The following CFAP74 variants were observed in gnomAD, a reference collection of about 807,000 sequenced individuals.
The protein encoded by CFAP74 is cilia and flagella associated protein 74.
CFAP74 carries 124 observed loss-of-function variants against 188.9 expected under a neutral mutation model. The ratio of observed to expected loss-of-function variants is 0.66; its 90% CI spans 0.57 to 0.76. The LOEUF (loss-of-function observed/expected upper bound fraction) is 0.76. Among genes scored for constraint, CFAP74 ranks in the 30% least tolerant of loss-of-function variants. The pLI is 0.00. For missense variants in CFAP74, 2,198 were observed against 2,165.2 expected (o/e 1.02, Z -0.30); for synonymous variants, 956 against 916.7 (o/e 1.04, Z -0.77).
Position 1,987,633 on chromosome 1 carries a change from C to G in CFAP74, c.297-598G>C, listed in dbSNP as rs181025217. Among the ~76,000 whole-genome samples, 54 of 152,278 alleles carry G rather than the reference C, an allele frequency of 3.5e-4. 1 individual carries two copies. Among genetic ancestry groups the G allele is most frequent in the Admixed American group, 3.2e-3 (49 of 15,302 alleles). On this transcript the variant is annotated intron_variant, in intron 4 of 38. Coordinates refer to ENST00000682832, the MANE Select transcript of CFAP74 (RefSeq NM_001304360.2). The stretch of plus-strand genomic sequence containing the variant: ...CTCGGCTCACTGCAACCTCCGCCCC[C>G]CAGGTTCAAGCGATTCTGCTGTCTC...
At chr1:1,946,837 C>T (rs569192938) in intron 19 of CFAP74, among the ~76,000 whole-genome samples, 153 bp downstream of exon 19, 1 of 152,354 alleles carries the variant, frequency 6.6e-6, no homozygotes, top group African/African-American at 2.4e-5. Flanking sequence ...CTGGAGGCTG[C>T]AAGTCCCTGG....
intron 23 of CFAP74, among the ~76,000 whole-genome samples, chr1:1,939,981 T>C (rs1256988464): frequency 1.3e-5 from 2 of 152,196 alleles, no homozygotes; most frequent in Admixed American, 6.5e-5. Context: ...GAGAGCCTGC[T>C]GCAGGTGGAG....
In CFAP74 at chr1:1,923,432, T is replaced by C; in HGVS notation, c.4457A>G (p.Asp1486Gly). ...CQHMMFVEGG[D>G]PLDVPVESLT... is the part of the protein sequence containing the mutation. ...AGACTCCACGGGCACGTCCAGGGGGTCGCCGCCCTCCACGAACATCATGTG... is the reference window on the plus strand; with the variant it reads ...AGACTCCACGGGCACGTCCAGGGGGCCGCCGCCCTCCACGAACATCATGTG... The change falls in exon 36 of 39, where the codon GAC becomes GGC. Residue 1486 changes from aspartate to glycine, a missense_variant. Asp to Gly is a moderately conservative substitution (Grantham distance 94). Coordinates refer to ENST00000682832, the MANE Select transcript of CFAP74 (RefSeq NM_001304360.2). The surrounding 1 kb of genome is among the most constrained non-coding windows in gnomAD (Gnocchi z 6.3). 1.2e-6 allele frequency: 2 copies of C among 1,603,772 alleles called. No individual in the cohort carries two copies. Among genetic ancestry groups the C allele is most frequent in the Non-Finnish European group, 1.7e-6 (2 of 1,176,568 alleles).
intron 15 of CFAP74, 63 bp from the exon 16 acceptor site, chr1:1,959,272 T>G: frequency 2.5e-6 from 3 of 1,217,680 alleles, no homozygotes; most frequent in Non-Finnish European, 3.6e-6. Context: ...TTTGTTTTTT[T>G]TTTGGACAGG....
At chr1:1,951,315 T>C (rs1302207293) in intron 18 of CFAP74, among the ~76,000 whole-genome samples, 1 of 152,222 alleles carries the variant, frequency 6.6e-6, no homozygotes, top group African/African-American at 2.4e-5. Context: ...ACGTGGGGAT[T>C]ACAATTTGAG....
chr1:1,932,300 G>A (rs1652474273), intron 25 of CFAP74, among the ~76,000 whole-genome samples: 1 of 151,184 alleles, frequency 6.6e-6, no homozygotes, highest in Admixed American at 6.6e-5. Context: ...GGGAGGCTGA[G>A]GCAGGAGAAT....
At position 1,964,978 on chromosome 1, in the gene CFAP74, C is replaced by T. The variant is rs1413247759; in HGVS notation, c.1485G>A (p.Leu495=). The T allele has an allele frequency of 1.2e-6, 2 of 1,613,856 alleles. No individual in the cohort carries two copies. The highest frequency in any genetic ancestry group is 1.7e-6 in the Non-Finnish European group (2 of 1,179,942). The change falls in exon 13 of 39, where the codon CTG becomes CTA. Residue 495 remains leucine, a synonymous_variant. Transcript: ENST00000682832. ...CCTGCTTGTGGACCACCCTGCTCCG[C>T]AGCCGCTCCACCGTGCGCTCCAGGA... ...KDILERTVER[L]RSRVVHKQVV... is the part of the protein sequence containing the mutation.
chr1:1,992,034 C>T lies in CFAP74; in HGVS notation c.-19-1059G>A, dbSNP rs1165386010. 1.3e-4 allele frequency among the ~76,000 whole-genome samples: 17 copies of T among 128,610 alleles called. No homozygotes were observed. In the East Asian group the frequency reaches 3.3e-3, roughly 25 times the overall value. The allele number at this position is 128,610 out of a possible 152,430, so 84.4% of individuals were successfully genotyped here. A position where few individuals can be genotyped will look rare whatever the true frequency, so the allele number is the denominator to read the frequency against. The stretch of plus-strand genomic sequence containing the variant: ...CAGCCTGGGTGACAGAGCGAGACTC[C>T]GTCTCAAAAAAAAAAAAATGCCTGA... On this transcript the variant is annotated intron_variant, in intron 1 of 38. Transcript: ENST00000682832.
In CFAP74 at chr1:1,923,223, C is replaced by T; in HGVS notation, c.4523-78G>A. 6.6e-7 allele frequency: 1 copy of T among 1,511,576 alleles called. No homozygotes were observed. The highest frequency in any genetic ancestry group is 8.9e-7 in the Non-Finnish European group (1 of 1,124,258). The allele number at this position is 1,511,576 out of a possible 1,614,324, so 93.6% of individuals were successfully genotyped here. A position where few individuals can be genotyped will look rare whatever the true frequency, so the allele number is the denominator to read the frequency against. On this transcript the variant is annotated intron_variant, in intron 36 of 38. Coordinates refer to ENST00000682832, the MANE Select transcript of CFAP74 (RefSeq NM_001304360.2). This position sits in a 1 kb window ranked among gnomAD's most constrained non-coding sequence, Gnocchi z 6.3. ...GAGGCTGCAGCTGGACTCCTGAACT[C>T]TGGTTAGCAGTGGCTGTCCTGCTTG...
intron 6 of CFAP74, among the ~76,000 whole-genome samples, chr1:1,980,531 C>T (rs568572021): frequency 2.6e-5 from 4 of 151,712 alleles, no homozygotes; most frequent in African/African-American, 7.3e-5. Flanking sequence ...ATGGGACCTG[C>T]GCAGGCGCTG....
chr1:1,955,380 C>T, intron 18 of CFAP74: 1 of 1,374,348 alleles, frequency 7.3e-7, no homozygotes. Context: ...GCAGCCCGGC[C>T]CCTCCAGGGG....
At chr1:1,938,439 G>A (rs1183561662) in intron 25 of CFAP74, among the ~76,000 whole-genome samples, 1 of 150,088 alleles carries the variant, frequency 6.7e-6, no homozygotes, top group Non-Finnish European at 1.5e-5. Flanking sequence ...CACTCCTGCA[G>A]GCTCACACAC....
At position 1,968,610 on chromosome 1, in the gene CFAP74, G is replaced by A. The variant is rs1385339882; in HGVS notation, c.1245+25C>T. 1.9e-6 allele frequency: 3 copies of A among 1,602,856 alleles called. No individual in the cohort carries two copies. The African/African-American group carries it at 4.0e-5, about 21-fold the overall frequency. On this transcript the variant is annotated intron_variant, in intron 11 of 38. Transcript: ENST00000682832. This position sits in a 1 kb window ranked among gnomAD's most constrained non-coding sequence, Gnocchi z 4.3. ...TGCCCTCCACAGGTGTGCGGCTTCTGTCTACAGGAAGGCGTTTTGCTCACC... is the reference window on the plus strand; with the variant it reads ...TGCCCTCCACAGGTGTGCGGCTTCTATCTACAGGAAGGCGTTTTGCTCACC...
intron 1 of CFAP74, among the ~76,000 whole-genome samples, chr1:1,997,401 G>A (rs760011835): frequency 2.7e-5 from 4 of 147,302 alleles, no homozygotes; most frequent in African/African-American, 7.5e-5. Flanking sequence ...CAGCCTGGGC[G>A]ACAAGAGCGA....
Position 1,988,460 on chromosome 1 carries a change from G to A in CFAP74, c.296+52C>T, listed in dbSNP as rs138546221. 3.8e-4 allele frequency: 600 copies of A among 1,599,256 alleles called. 1 individual carries two copies. The African/African-American group carries it at 6.0e-3, about 16-fold the overall frequency. On this transcript the variant is annotated intron_variant, in intron 4 of 38. Coordinates refer to ENST00000682832, the MANE Select transcript of CFAP74 (RefSeq NM_001304360.2). ...ACCACCCCTGCTGCACCCATGTCACGGCCTGGGGGGCATCAAGAGGTGCAG... is the reference window on the plus strand; with the variant it reads ...ACCACCCCTGCTGCACCCATGTCACAGCCTGGGGGGCATCAAGAGGTGCAG...
intron 6 of CFAP74, among the ~76,000 whole-genome samples, chr1:1,980,999 C>G (rs1656805568): frequency 6.6e-6 from 1 of 152,222 alleles, no homozygotes; most frequent in Non-Finnish European, 1.5e-5. Context: ...GGTTTGGGTC[C>G]CGAAGCAGCG....
chr1:1,989,441 C>T (rs911094641), intron 2 of CFAP74, among the ~76,000 whole-genome samples: 3 of 152,214 alleles, frequency 2.0e-5, no homozygotes, highest in Non-Finnish European at 4.4e-5. Flanking sequence ...TCCACCCACT[C>T]CCTTTGGACC....
chr1:1,993,760 A>AAGC (rs1657738606), intron 1 of CFAP74, among the ~76,000 whole-genome samples: 3 of 52,886 alleles, frequency 5.7e-5, no homozygotes, highest in Non-Finnish European at 1.3e-4. Context: ...AGGCAGGTGG[A>AAGC]TCACGAGGTC....
At chr1:1,971,141 TCGCACATGCACACCTGGA>T (rs1655990740) in intron 9 of CFAP74, among the ~76,000 whole-genome samples, 1 of 129,102 alleles carries the variant, frequency 7.7e-6, no homozygotes, top group Non-Finnish European at 1.6e-5. Flanking sequence ...ACACACATGC[TCGCACATGCACACCTGGA>T]CACACATGCA....
Sources: allele counts gnomAD v4.1 joint callset (sites outside exome capture counted in the v4.1 genomes callset), GRCh38; gene constraint gnomAD v4.1.1; non-coding constraint Gnocchi (gnomAD v3.1); transcripts MANE v1.5; gene names NCBI Gene and HGNC (gene_info 2026-07-23, HGNC 2026-07-21).